ZC3H3: variants seen among roughly 807,000 people sequenced by gnomAD.
ZC3H3 encodes zinc finger CCCH domain-containing protein 3.
ZC3H3 carries 36 observed loss-of-function variants against 77.3 expected under a neutral mutation model. The ratio of observed to expected loss-of-function variants is 0.47; its 90% CI spans 0.36 to 0.61. The LOEUF (loss-of-function observed/expected upper bound fraction) is 0.61. Among genes scored for constraint, ZC3H3 ranks in the 20% least tolerant of loss-of-function variants. The pLI is 0.00. For synonymous variants in ZC3H3, 626 were observed against 555.2 expected (o/e 1.13, Z -1.79); for missense variants, 1,331 against 1,312.2 (o/e 1.01, Z -0.22).
At chr8:143,534,354 C>T (rs2130508312) in intron 3 of ZC3H3, among the ~76,000 whole-genome samples, 1 of 151,866 alleles carries the variant, frequency 6.6e-6, no homozygotes, top group African/African-American at 2.4e-5. Flanking sequence ...AGCCCCTCAG[C>T]TGTGCACTCC....
At chr8:143,470,386 A>C (rs1820530648) in intron 5 of ZC3H3, among the ~76,000 whole-genome samples, 1 of 152,150 alleles carries the variant, frequency 6.6e-6, no homozygotes, top group East Asian at 1.9e-4. Context: ...CCAGGGGCAA[A>C]GGGAGGGTGA....
Position 143,493,179 on chromosome 8 carries a change from AGGGGCTCCCTCCTC to A in ZC3H3, c.1715+14553_1715+14566del. Among the ~76,000 whole-genome samples, 1 of 144,434 alleles carries A rather than the reference AGGGGCTCCCTCCTC, an allele frequency of 6.9e-6. No homozygotes were observed. 94.8% of individuals were successfully genotyped at this position (144,434 alleles called of 152,430 possible). A position where few individuals can be genotyped will look rare whatever the true frequency, so the allele number is the denominator to read the frequency against. ...TCCTCAGGGTCCCGTGTCCTGGCCCAGGGGCTCCCTCCTCAGGGTCCCGTGTCCTGGCCCAGGGG... is the reference window on the plus strand; with the variant it reads ...TCCTCAGGGTCCCGTGTCCTGGCCCAAGGGTCCCGTGTCCTGGCCCAGGGG... On this transcript the variant is annotated intron_variant, in intron 4 of 11. Coordinates refer to ENST00000262577, the MANE Select transcript of ZC3H3 (RefSeq NM_015117.3). The surrounding 1 kb of genome is among the most constrained non-coding windows in gnomAD (Gnocchi z 4.8).
At chr8:143,497,890 G>A (rs564436879) in intron 4 of ZC3H3, among the ~76,000 whole-genome samples, 44 of 152,306 alleles carry the variant, frequency 2.9e-4, no homozygotes, top group Middle Eastern at 3.4e-3. Flanking sequence ...GGGGCTCCCC[G>A]GTGCTGTGCC....
At chr8:143,474,323 G>T (rs548758703) in intron 5 of ZC3H3, among the ~76,000 whole-genome samples, 1 of 152,202 alleles carries the variant, frequency 6.6e-6, no homozygotes, top group Non-Finnish European at 1.5e-5. Flanking sequence ...GATCCTCAGC[G>T]AGTGGGGATT....
intron 5 of ZC3H3, among the ~76,000 whole-genome samples, chr8:143,474,457 T>C (rs918170697): frequency 6.6e-6 from 1 of 152,242 alleles, no homozygotes; most frequent in Non-Finnish European, 1.5e-5. Context: ...GCCCCCGTGC[T>C]GCTCCCAGCG....
chr8:143,526,276 G>A (rs1822410069), intron 3 of ZC3H3, among the ~76,000 whole-genome samples: 1 of 152,202 alleles, frequency 6.6e-6, no homozygotes. Flanking sequence ...ACCAGTCACA[G>A]TCCCAACATA....
intron 4 of ZC3H3, among the ~76,000 whole-genome samples, chr8:143,480,880 G>T (rs756561769): frequency 5.8e-4 from 88 of 152,330 alleles, no homozygotes; most frequent in Non-Finnish European, 1.0e-3. Flanking sequence ...GGCAGAGGTG[G>T]TAAGGGGACT....
intron 4 of ZC3H3, among the ~76,000 whole-genome samples, chr8:143,495,141 G>A (rs1272339650): frequency 6.6e-6 from 1 of 152,178 alleles, no homozygotes; most frequent in African/African-American, 2.4e-5. Flanking sequence ...GACTCAGCAG[G>A]CTCTACTCAC....
intron 4 of ZC3H3, among the ~76,000 whole-genome samples, chr8:143,490,678 G>GC (rs1454678547): frequency 6.6e-6 from 1 of 152,240 alleles, no homozygotes; most frequent in Non-Finnish European, 1.5e-5. Flanking sequence ...ACTTTGGGAG[G>GC]CCAAGGCAGG....
Position 143,500,917 on chromosome 8 carries a change from G to A in ZC3H3, c.1715+6829C>T, listed in dbSNP as rs929598426. Reference sequence around the variant, plus strand: ...CAACCTCTGCATCTGGGTTCAAGCGGTTCTCCGGCCTCAGCCTCCCAAGTA... The same window carrying A: ...CAACCTCTGCATCTGGGTTCAAGCGATTCTCCGGCCTCAGCCTCCCAAGTA... On this transcript the variant is annotated intron_variant, in intron 4 of 11. Coordinates refer to ENST00000262577, the MANE Select transcript of ZC3H3 (RefSeq NM_015117.3). 3.3e-5 allele frequency among the ~76,000 whole-genome samples: 5 copies of A among 151,180 alleles called. No homozygotes were observed. In the East Asian group the frequency reaches 9.7e-4, roughly 29 times the overall value.
chr8:143,455,917 G>A (rs1315908016), intron 9 of ZC3H3, among the ~76,000 whole-genome samples: 1 of 135,116 alleles, frequency 7.4e-6, no homozygotes, highest in Non-Finnish European at 1.5e-5. Flanking sequence ...AGGTTGCAGT[G>A]AGCCAAGATC....
At chr8:143,492,045 G>A (rs533162130) in intron 4 of ZC3H3, among the ~76,000 whole-genome samples, 1 of 152,354 alleles carries the variant, frequency 6.6e-6, no homozygotes, top group South Asian at 2.1e-4. Context: ...AGTGAAAGCA[G>A]AAAGAGGGCA....
intron 4 of ZC3H3, among the ~76,000 whole-genome samples, chr8:143,499,775 C>A (rs1020271376): frequency 3.3e-5 from 5 of 152,136 alleles, no homozygotes; most frequent in African/African-American, 1.2e-4. Flanking sequence ...CACGGGCAGA[C>A]ACAGGGCTTC....
At chr8:143,506,774 C>T (rs570284104) in intron 4 of ZC3H3, among the ~76,000 whole-genome samples, 19 of 152,310 alleles carry the variant, frequency 1.2e-4, no homozygotes, top group African/African-American at 3.8e-4. Context: ...TGACCTGCCA[C>T]GAGGCTCCAG....
Position 143,441,065 on chromosome 8 carries a change from G to T in ZC3H3, c.2363C>A (p.Pro788His). ...GAGCAGCTGGCACTGGGCGCCGCGG[G>T]GACACGCCCCCCTGCGGGCAAAGTC... ...CPDFARRGAC[P>H]RGAQCQLLHR... Residue 788 changes from proline to histidine, a missense_variant, in exon 10 of 12, where the codon CCC becomes CAC. By Grantham distance (77) the Pro-to-His change is moderately conservative. Coordinates refer to ENST00000262577, the MANE Select transcript of ZC3H3 (RefSeq NM_015117.3). 3 of 1,475,430 alleles carry T rather than the reference G, an allele frequency of 2.0e-6. No homozygotes were observed. The highest frequency in any genetic ancestry group is 8.9e-7 in the Non-Finnish European group (1 of 1,124,380). The allele number at this position is 1,475,430 out of a possible 1,614,324, so 91.4% of individuals were successfully genotyped here.
At chr8:143,473,422 G>A (rs1308660165) in intron 5 of ZC3H3, among the ~76,000 whole-genome samples, 1 of 152,174 alleles carries the variant, frequency 6.6e-6, no homozygotes, top group Non-Finnish European at 1.5e-5. Context: ...CTTCACTGGT[G>A]TTCAGCCCAC....
intron 9 of ZC3H3, among the ~76,000 whole-genome samples, chr8:143,463,251 T>C (rs940075583): frequency 6.6e-6 from 1 of 150,896 alleles, no homozygotes; most frequent in African/African-American, 2.4e-5. Context: ...TCCCAAAGTG[T>C]TGGGATTACA....
chr8:143,465,987 C>A (rs1027784335), intron 8 of ZC3H3, 139 bp from the exon 9 acceptor site: 5 of 1,246,054 alleles, frequency 4.0e-6, no homozygotes, highest in Middle Eastern at 2.8e-4. Context: ...GCAGCCACCA[C>A]GACCTGCGGG....
At chr8:143,466,253 T>C (rs1820406386) in intron 8 of ZC3H3, among the ~76,000 whole-genome samples, 1 of 151,868 alleles carries the variant, frequency 6.6e-6, no homozygotes, top group Non-Finnish European at 1.5e-5. Context: ...AGTGTCTAGG[T>C]GGGAGGACGA....
Sources: allele counts gnomAD v4.1 joint callset (sites outside exome capture counted in the v4.1 genomes callset), GRCh38; gene constraint gnomAD v4.1.1; non-coding constraint Gnocchi (gnomAD v3.1); transcripts MANE v1.5; gene names NCBI Gene and HGNC (gene_info 2026-07-23, HGNC 2026-07-21).